Variants in ABLIM1 observed in about 807,000 individuals in gnomAD.
The protein encoded by ABLIM1 is actin binding LIM protein 1.
In ABLIM1, 40 loss-of-function variants were observed where a neutral mutation model predicts 107.0. That is an observed-to-expected ratio of 0.37 (90% CI 0.29 to 0.49). The LOEUF is 0.49. Among genes scored for constraint, ABLIM1 ranks in the 20% least tolerant of loss-of-function variants. The pLI, the probability that ABLIM1 is intolerant of heterozygous loss-of-function variation, is 0.97. For missense variants in ABLIM1, 857 were observed against 1,008.5 expected, an observed-to-expected ratio of 0.85 and a Z score of 2.04; for synonymous variants, 357 against 357.3, an observed-to-expected ratio of 1.00 and a Z score of 0.01.
intron 1 of ABLIM1, among the ~76,000 whole-genome samples, chr10:114,669,918 G>A (rs1446045444): frequency 6.6e-6 from 1 of 152,106 alleles, no homozygotes; most frequent in East Asian, 1.9e-4. Context: ...TGGTGCAGCC[G>A]GGAAGAAAAG....
intron 6 of ABLIM1, among the ~76,000 whole-genome samples, chr10:114,514,177 ACTTTGGAAGGC>A (rs1013134806): frequency 6.6e-6 from 1 of 151,996 alleles, no homozygotes; most frequent in Non-Finnish European, 1.5e-5. Context: ...TAATCCTAAC[ACTTTGGAAGGC>A]CAAGGTGGGC....
intron 4 of ABLIM1, among the ~76,000 whole-genome samples, chr10:114,557,671 G>GTTTTT (rs61108195): frequency 2.3e-4 from 17 of 72,428 alleles, no homozygotes; most frequent in South Asian, 5.4e-4. Context: ...ATAGTGAGGT[G>GTTTTT]TTTTTTTTTT....
At chr10:114,784,403 G>A in the ABLIM1 span, among the ~76,000 whole-genome samples, 2 of 149,284 alleles carry the variant, frequency 1.3e-5, no homozygotes, top group East Asian at 2.0e-4. Context: ...GGTAGCTCAC[G>A]CCTGTAATCC....
chr10:114,733,324 A>G (rs7093476), intron 1 of ABLIM1, among the ~76,000 whole-genome samples: 8,576 of 152,270 alleles, frequency 0.056, 373 homozygotes, highest in African/African-American at 0.12. Flanking sequence ...ATTTTTATGC[A>G]ATACAAAGTA....
chr10:114,475,122 C>A (rs2056109275), intron 8 of ABLIM1, among the ~76,000 whole-genome samples: 1 of 152,146 alleles, frequency 6.6e-6, no homozygotes, highest in South Asian at 2.1e-4. Flanking sequence ...TCACAACAAC[C>A]AGGGCCTCAG....
intron 4 of ABLIM1, among the ~76,000 whole-genome samples, chr10:114,563,479 C>T (rs2497740): frequency 0.35 from 52,785 of 151,850 alleles, 11,450 homozygotes; most frequent in African/African-American, 0.61. Context: ...ATTGGTTATG[C>T]GCCAATGCGG....
At chr10:114,738,395 A>G (rs985378016) in intron 1 of ABLIM1, among the ~76,000 whole-genome samples, 7 of 152,212 alleles carry the variant, frequency 4.6e-5, no homozygotes, top group Non-Finnish European at 8.8e-5. Flanking sequence ...TGCTTTCCAA[A>G]GAAGGGATGA....
chr10:114,699,319 C>T (rs1053299535), intron 1 of ABLIM1, among the ~76,000 whole-genome samples: 1 of 152,048 alleles, frequency 6.6e-6, no homozygotes. Context: ...AATTCCTTCT[C>T]TAAGGGTCCA....
chr10:114,472,672 C>G (rs1188910789), intron 10 of ABLIM1, among the ~76,000 whole-genome samples: 1 of 152,074 alleles, frequency 6.6e-6, no homozygotes, highest in Non-Finnish European at 1.5e-5. Context: ...CCAGGAGACC[C>G]TCACTCCCTT....
intron 8 of ABLIM1, among the ~76,000 whole-genome samples, chr10:114,476,646 A>AAATAATAATAAT (rs141618382): frequency 0.04 from 5,658 of 143,218 alleles, 129 homozygotes; most frequent in African/African-American, 0.047. Flanking sequence ...CTCTGCCTCA[A>AAATAATAATAAT]AATAATAATA....
At chr10:114,553,833 T>C (rs1392505175) in intron 4 of ABLIM1, among the ~76,000 whole-genome samples, 2 of 152,168 alleles carry the variant, frequency 1.3e-5, no homozygotes. Flanking sequence ...ACAGAAGTGA[T>C]GTGGTGTGAA....
chr10:114,520,818 A>AT (rs2063621674), intron 6 of ABLIM1, among the ~76,000 whole-genome samples: 1 of 151,688 alleles, frequency 6.6e-6, no homozygotes, highest in South Asian at 2.1e-4. Context: ...AAAAATAATA[A>AT]TAAAAAAAAA....
chr10:114,600,942 G>A (rs1032539315), intron 2 of ABLIM1, among the ~76,000 whole-genome samples: 1 of 152,052 alleles, frequency 6.6e-6, no homozygotes, highest in Non-Finnish European at 1.5e-5. Context: ...ACCCCAAAAG[G>A]TAGGCTTGTT....
At chr10:114,745,332 G>A (rs910856366) in intron 1 of ABLIM1, among the ~76,000 whole-genome samples, 5 of 152,192 alleles carry the variant, frequency 3.3e-5, no homozygotes, top group Non-Finnish European at 7.4e-5. Context: ...AGGCCAAGGC[G>A]GGCAGATCAC....
At chr10:114,733,691 C>T (rs779984400) in intron 1 of ABLIM1, among the ~76,000 whole-genome samples, 11 of 152,208 alleles carry the variant, frequency 7.2e-5, no homozygotes, top group Non-Finnish European at 1.6e-4. Flanking sequence ...GATGTGTTTG[C>T]TCCCAATAAG....
chr10:114,580,205 T>TTATATATTATATATATA (rs560754012), intron 2 of ABLIM1, among the ~76,000 whole-genome samples: 14 of 144,882 alleles, frequency 9.7e-5, no homozygotes, highest in African/African-American at 3.6e-4. Context: ...ATATTATATA[T>TTATATATTATATATATA]TATATATATA....
chr10:114,713,917 C>A (rs980325528), intron 1 of ABLIM1, among the ~76,000 whole-genome samples: 1 of 152,266 alleles, frequency 6.6e-6, no homozygotes, highest in South Asian at 2.1e-4. Flanking sequence ...GAGACAAAAA[C>A]GGGAAGCTGA....
intron 1 of ABLIM1, among the ~76,000 whole-genome samples, chr10:114,638,509 T>C (rs1361847191): frequency 6.6e-6 from 1 of 152,142 alleles, no homozygotes; most frequent in African/African-American, 2.4e-5. Flanking sequence ...TATTATACTT[T>C]ATATGTGAGA....
chr10:114,691,391 A>G (rs547041212), intron 1 of ABLIM1, among the ~76,000 whole-genome samples: 1 of 152,208 alleles, frequency 6.6e-6, no homozygotes, highest in African/African-American at 2.4e-5. Flanking sequence ...CAGTTTTTAC[A>G]TTTGCATACA....
Sources: gnomAD v4.1 joint callset for allele counts (sites outside exome capture counted in the v4.1 genomes callset) on GRCh38, gnomAD v4.1.1 for gene constraint, MANE v1.5 for transcripts, NCBI Gene and HGNC (gene_info 2026-07-23, HGNC 2026-07-21) for gene names.